The following STK17A variants were observed in gnomAD, a reference collection of about 807,000 sequenced individuals.
STK17A encodes serine/threonine kinase 17a.
Under a neutral mutation model 43.7 loss-of-function variants are expected in STK17A, and 26 were observed. That is an observed-to-expected ratio of 0.60 (90% CI 0.44 to 0.83). The LOEUF (loss-of-function observed/expected upper bound fraction) is 0.83. Ranked by LOEUF, STK17A falls within the 40% of genes least tolerant of loss-of-function variation. The pLI is 0.00. For missense variants in STK17A, 476 were observed against 511.6 expected, an observed-to-expected ratio of 0.93 and a Z score of 0.67; for synonymous variants, 191 against 182.5, an observed-to-expected ratio of 1.05 and a Z score of -0.38.
chr7:43,600,520 T>TA (rs1396051840), intron 2 of STK17A, among the ~76,000 whole-genome samples: 1 of 152,222 alleles, frequency 6.6e-6, no homozygotes, highest in Non-Finnish European at 1.5e-5. Flanking sequence ...TTCACAGACA[T>TA]ACATGAATGT....
chr7:43,583,478 C>A (rs1489492239), intron 1 of STK17A, 29 bp downstream of exon 1: 1 of 1,270,972 alleles, frequency 7.9e-7, no homozygotes, highest in Non-Finnish European at 9.9e-7. Flanking sequence ...CGGCGCGGAA[C>A]CTTCCCGGAC....
chr7:43,623,353 A>G, intron 4 of STK17A: 1 of 508,472 alleles, frequency 2.0e-6, no homozygotes, highest in Non-Finnish European at 3.4e-6. Flanking sequence ...AATACTAGGG[A>G]CTCAACAATG....
In STK17A at chr7:43,596,070, G is replaced by A. The variant is rs148044065; in HGVS notation, c.376G>A (p.Glu126Lys). The A allele has an allele frequency of 7.4e-6, 12 of 1,613,208 alleles. No individual in the cohort carries two copies. Among genetic ancestry groups the A allele is most frequent in the Non-Finnish European group, 1.0e-5 (12 of 1,179,734 alleles). ...QDNPWVINLH[E>K]VYETASEMIL... ...CAATCCTTGGGTCATTAATTTACAT[G>A]AAGTTTATGAGACTGCATCAGAAAT... The change falls in exon 2 of 7, where the codon GAA becomes AAA. Residue 126 changes from glutamate (E) to lysine (K), a missense_variant. This residue lies in a region of STK17A where 320 missense variants were observed against 326.3 expected (regional missense o/e 0.98). Transcript: ENST00000319357.
chr7:43,625,045 C>T lies in STK17A; in HGVS notation c.*203C>T, dbSNP rs762333977. On this transcript the variant is annotated 3_prime_UTR_variant, in exon 7 of 7. Coordinates refer to ENST00000319357, the MANE Select transcript of STK17A (RefSeq NM_004760.3). Reference sequence around the variant, plus strand: ...CCAGGAGATTTAACAGGTACAGTTACCCGTTTCAATGTTATTTTTAAGAAG... The same window carrying T: ...CCAGGAGATTTAACAGGTACAGTTATCCGTTTCAATGTTATTTTTAAGAAG... 3.4e-5 allele frequency: 14 copies of T among 416,202 alleles called. No individual in the cohort carries two copies. Among genetic ancestry groups the T allele is most frequent in the Non-Finnish European group, 5.5e-5 (13 of 235,846 alleles). The allele number at this position is 416,202 out of a possible 1,614,324, so 25.8% of individuals were successfully genotyped here. A position where few individuals can be genotyped will look rare whatever the true frequency, so the allele number is the denominator to read the frequency against.
rs763405802 is a variant in STK17A at position 43,595,857 on chromosome 7, GA to G, written c.207-41del. ...ATTTCATTGAAATCTGCCATCTCTG[GA>G]AAGTTGTCAACTTTAACAGTGAATG... is the stretch of plus-strand genomic sequence containing the variant. On this transcript the variant is annotated intron_variant, in intron 1 of 6. Coordinates refer to ENST00000319357, the MANE Select transcript of STK17A (RefSeq NM_004760.3). 7.6e-6 allele frequency: 12 copies of G among 1,571,770 alleles called. No homozygotes were observed. The African/African-American group carries it at 1.5e-4, about 20-fold the overall frequency.
chr7:43,596,423 A>G lies in STK17A; in HGVS notation c.419+310A>G, dbSNP rs1301889572. On this transcript the variant is annotated intron_variant, in intron 2 of 6. Coordinates refer to ENST00000319357, the MANE Select transcript of STK17A (RefSeq NM_004760.3). ...CTAATATTAAAATAAAAGGCATTTT[A>G]TAATCCTTACATGTTCTTATAGTCT... Among the ~76,000 whole-genome samples, 5 of 152,394 alleles carry G rather than the reference A, an allele frequency of 3.3e-5. No homozygotes were observed. In the South Asian group the frequency reaches 8.3e-4, roughly 25 times the overall value.
intron 2 of STK17A, among the ~76,000 whole-genome samples, chr7:43,597,604 C>T (rs1363192459): frequency 6.6e-6 from 1 of 152,134 alleles, no homozygotes; most frequent in Non-Finnish European, 1.5e-5. Context: ...TGAGGCTGCT[C>T]AAACTCCTGA....
intron 1 of STK17A, 116 bp downstream of exon 1, chr7:43,583,565 A>G (rs747898561): frequency 1.2e-4 from 113 of 944,294 alleles, no homozygotes; most frequent in Non-Finnish European, 1.5e-4. Context: ...TGCTGCCGAT[A>G]ACGCGCGTTG....
Position 43,627,029 on chromosome 7 carries a change from TA to T in STK17A, c.*2188del, listed in dbSNP as rs1293655617. On this transcript the variant is annotated 3_prime_UTR_variant, in exon 7 of 7. Transcript: ENST00000319357. ...AATAACTGCCAGCTAGCTCTACACT[TA>T]TCTAAAGCTGTTAATGTTCCTTTTT... Among the ~76,000 whole-genome samples the T allele has an allele frequency of 2.6e-5, 4 of 152,244 alleles. No homozygotes were observed.
intron 1 of STK17A, among the ~76,000 whole-genome samples, chr7:43,594,837 CA>C (rs1310902289): frequency 7.7e-6 from 1 of 129,970 alleles, no homozygotes; most frequent in East Asian, 2.3e-4. Flanking sequence ...GCCAGGAGTT[CA>C]ATACTAGCCT....
intron 2 of STK17A, among the ~76,000 whole-genome samples, chr7:43,604,552 G>A (rs932685177): frequency 3.9e-5 from 6 of 151,994 alleles, no homozygotes; most frequent in Middle Eastern, 3.4e-3. Context: ...CATTATTTAC[G>A]ACAAGAAGTC....
At chr7:43,604,818 A>G (rs538614171) in intron 2 of STK17A, among the ~76,000 whole-genome samples, 8 of 152,086 alleles carry the variant, frequency 5.3e-5, no homozygotes, top group Non-Finnish European at 1.2e-4. Flanking sequence ...AGTGTATTAA[A>G]TGGCTTGATG....
intron 3 of STK17A, among the ~76,000 whole-genome samples, chr7:43,610,673 A>G (rs116356322): frequency 0.011 from 1,702 of 152,320 alleles, 29 homozygotes; most frequent in African/African-American, 0.037. Context: ...TCTCAAAAAA[A>G]GAACTGCTAT....
In STK17A at chr7:43,625,331, GAAT is replaced by G; in HGVS notation, c.*492_*494del. The G allele has an allele frequency of 6.6e-6, 1 of 152,542 alleles. No individual in the cohort carries two copies. The allele number at this position is 152,542 out of a possible 1,614,324, so 9.4% of individuals were successfully genotyped here. A position where few individuals can be genotyped will look rare whatever the true frequency, so the allele number is the denominator to read the frequency against. On this transcript the variant is annotated 3_prime_UTR_variant, in exon 7 of 7. Coordinates refer to ENST00000319357, the MANE Select transcript of STK17A (RefSeq NM_004760.3). ...CAGACATCTAAATTTTCGAGACTTA[GAAT>G]AACATTCACTAAAGTTTGATAATGT...
intron 2 of STK17A, among the ~76,000 whole-genome samples, chr7:43,606,639 C>T (rs946177136): frequency 6.6e-6 from 1 of 152,112 alleles, no homozygotes; most frequent in African/African-American, 2.4e-5. Flanking sequence ...TAGGGCTTCT[C>T]TAGCTTCCAT....
At chr7:43,622,891 C>CA (rs1563167127) in intron 4 of STK17A, 1 of 152,210 alleles carries the variant, frequency 6.6e-6, no homozygotes, top group African/African-American at 2.4e-5. Context: ...TTTGTAGAGA[C>CA]AGAGTCTCAT....
chr7:43,584,418 AG>A (rs2082425035), intron 1 of STK17A, among the ~76,000 whole-genome samples: 2 of 152,198 alleles, frequency 1.3e-5, no homozygotes, highest in South Asian at 4.1e-4. Context: ...CCTACCTCAG[AG>A]GTGGCCTGAA....
rs763807404 is a variant in STK17A at position 43,595,968 on chromosome 7, A to G, written c.274A>G (p.Met92Val). ...TGGGAAAGAATTTGCTGCAAAGTTCATGAGAAAAAGAAGAAAAGGCCAAGA... is the reference window on the plus strand; with the variant it reads ...TGGGAAAGAATTTGCTGCAAAGTTCGTGAGAAAAAGAAGAAAAGGCCAAGA... Reference protein sequence around the residue: ...DSGKEFAAKFMRKRRKGQDCR... With the variant: ...DSGKEFAAKFVRKRRKGQDCR... Residue 92 changes from methionine to valine, a missense_variant, in exon 2 of 7, where the codon ATG becomes GTG. By Grantham distance (21) the Met-to-Val change is conservative. Coordinates refer to ENST00000319357, the MANE Select transcript of STK17A (RefSeq NM_004760.3). The G allele has an allele frequency of 4.3e-6, 7 of 1,613,852 alleles. No homozygotes were observed. The highest frequency in any genetic ancestry group is 2.2e-5 in the South Asian group (2 of 91,082).
At position 43,624,936 on chromosome 7, in the gene STK17A, G is replaced by C; in HGVS notation, c.*94G>C. ...CCAAATGGTACATGTACTGGAAGTG[G>C]ATAACCAGTATCACTTACACAAACA... On this transcript the variant is annotated 3_prime_UTR_variant, in exon 7 of 7. Coordinates refer to ENST00000319357, the MANE Select transcript of STK17A (RefSeq NM_004760.3). The C allele has an allele frequency of 1.8e-6, 2 of 1,115,046 alleles. No individual in the cohort carries two copies. Among genetic ancestry groups the C allele is most frequent in the Middle Eastern group, 3.1e-4 (1 of 3,268 alleles). 69.1% of individuals were successfully genotyped at this position (1,115,046 alleles called of 1,614,324 possible). A position where few individuals can be genotyped will look rare whatever the true frequency, so the allele number is the denominator to read the frequency against.
Sources: gnomAD v4.1 joint callset for allele counts (sites outside exome capture counted in the v4.1 genomes callset) on GRCh38, gnomAD v4.1.1 for gene constraint, gnomAD v4.1.1 regional missense constraint, MANE v1.5 for transcripts, NCBI Gene and HGNC (gene_info 2026-07-23, HGNC 2026-07-21) for gene names.